SLC9B1: variants seen among roughly 807,000 people sequenced by gnomAD.
SLC9B1 encodes solute carrier family 9 member B1, also known as sodium/hydrogen exchanger 9B1.
In SLC9B1, 32 loss-of-function variants were observed where a neutral mutation model predicts 51.7. The observed-to-expected ratio is 0.62, with a 90% CI of 0.47 to 0.83. The LOEUF (loss-of-function observed/expected upper bound fraction) is 0.83. SLC9B1 is among the 40% of genes least tolerant of loss of function. The pLI is 0.00. For synonymous variants in SLC9B1, 145 were observed against 212.7 expected (o/e 0.68, Z 2.77); for missense variants, 406 against 613.2 (o/e 0.66, Z 3.57).
intron 2 of SLC9B1, 71 bp downstream of exon 2, chr4:102,991,572 T>G: frequency 1.9e-6 from 2 of 1,079,380 alleles, no homozygotes; most frequent in Non-Finnish European, 2.6e-6. Context: ...ATCTAATAAG[T>G]AAATTAGGAA....
At chr4:102,936,750 T>C (rs1162800922) in intron 6 of SLC9B1, among the ~76,000 whole-genome samples, 2 of 152,170 alleles carry the variant, frequency 1.3e-5, no homozygotes, top group African/African-American at 4.8e-5. Context: ...TCTGAGATTA[T>C]GTAAAGAGAC....
At chr4:102,958,925 G>GA (rs980919494) in intron 3 of SLC9B1, among the ~76,000 whole-genome samples, 87 of 134,874 alleles carry the variant, frequency 6.5e-4, no homozygotes, top group Middle Eastern at 3.7e-3. Context: ...TCCGTCTCAA[G>GA]AAAAAAAAAA....
chr4:102,994,247 C>T (rs1578407819), intron 1 of SLC9B1, among the ~76,000 whole-genome samples: 1 of 152,246 alleles, frequency 6.6e-6, no homozygotes, highest in East Asian at 1.9e-4. Context: ...TTTCTTCTGC[C>T]AGATATCCTA....
intron 3 of SLC9B1, among the ~76,000 whole-genome samples, chr4:102,959,255 CACAT>C (rs761708309): frequency 5.9e-5 from 9 of 151,912 alleles, no homozygotes; most frequent in African/African-American, 1.9e-4. Context: ...CACACACACA[CACAT>C]ACGCAAATGG....
intron 7 of SLC9B1, 58 bp from the exon 8 acceptor site, chr4:102,911,595 C>G: frequency 9.2e-7 from 1 of 1,092,606 alleles, no homozygotes; most frequent in Non-Finnish European, 1.3e-6. Context: ...ATACACTACA[C>G]ATCAGAAAAG....
chr4:102,956,294 A>G (rs1024974037), intron 3 of SLC9B1, among the ~76,000 whole-genome samples: 10 of 145,938 alleles, frequency 6.9e-5, no homozygotes, highest in African/African-American at 2.6e-4. Context: ...ACTATAATAA[A>G]TTAAAAACCT....
chr4:102,934,245 GT>G lies in SLC9B1; in HGVS notation c.654-1947del, dbSNP rs1292179448. On this transcript the variant is annotated intron_variant, in intron 6 of 11. Transcript: ENST00000296422. ...AGTAAACTTAAGAAAACAAGATACT[GT>G]TTTTGTAAGGGTAAAATAGTTAAAA... Among the ~76,000 whole-genome samples the G allele has an allele frequency of 2.0e-5, 3 of 152,170 alleles. No individual in the cohort carries two copies. In the East Asian group the frequency reaches 5.8e-4, roughly 29 times the overall value.
chr4:102,987,023 T>G (rs557184055), intron 3 of SLC9B1, among the ~76,000 whole-genome samples: 143 of 152,286 alleles, frequency 9.4e-4, no homozygotes, highest in African/African-American at 3.3e-3. Context: ...CGTTGTAAAT[T>G]TTAGTTGAAA....
intron 3 of SLC9B1, among the ~76,000 whole-genome samples, chr4:102,955,019 A>G (rs1737710360): frequency 6.6e-6 from 1 of 152,202 alleles, no homozygotes; most frequent in Admixed American, 6.5e-5. Context: ...AAAAAGTGTT[A>G]GGGTTTTGGG....
At chr4:102,905,309 C>T (rs1333308310) in intron 11 of SLC9B1, among the ~76,000 whole-genome samples, 2 of 151,998 alleles carry the variant, frequency 1.3e-5, no homozygotes, top group African/African-American at 4.8e-5. Context: ...CAACCTCCGC[C>T]TCCTGGGTTC....
At chr4:102,963,916 C>T (rs1738278298) in intron 3 of SLC9B1, among the ~76,000 whole-genome samples, 2 of 151,902 alleles carry the variant, frequency 1.3e-5, no homozygotes, top group Non-Finnish European at 2.9e-5. Context: ...GATGAGTAAA[C>T]CAAGCCAAAA....
chr4:102,925,978 A>G (rs1736147730), intron 7 of SLC9B1, among the ~76,000 whole-genome samples: 1 of 152,286 alleles, frequency 6.6e-6, no homozygotes, highest in Admixed American at 6.5e-5. Context: ...TTACATAAAC[A>G]GAACCAAAGA....
chr4:102,998,289 C>A (rs1237481683), intron 1 of SLC9B1, among the ~76,000 whole-genome samples: 6 of 152,046 alleles, frequency 3.9e-5, no homozygotes, highest in Non-Finnish European at 7.4e-5. Flanking sequence ...TTTTGTCTTG[C>A]TTATTGCACT....
intron 6 of SLC9B1, among the ~76,000 whole-genome samples, chr4:102,942,533 G>C (rs539395127): frequency 1.1e-3 from 161 of 152,198 alleles, no homozygotes; most frequent in African/African-American, 3.7e-3. Context: ...AAATACTTAA[G>C]CCAACTGATC....
chr4:102,901,546 C>T (rs762692476), intron 11 of SLC9B1, among the ~76,000 whole-genome samples: 4 of 152,132 alleles, frequency 2.6e-5, no homozygotes, highest in African/African-American at 2.4e-5. Context: ...AGCAGGCAAA[C>T]ATTTTTGGGC....
intron 3 of SLC9B1, among the ~76,000 whole-genome samples, chr4:102,966,148 G>T (rs187300190): frequency 0.011 from 1,694 of 152,302 alleles, 21 homozygotes; most frequent in African/African-American, 0.037. Flanking sequence ...GAGTCCCAGT[G>T]GTGGTCCACT....
At chr4:102,909,086 A>G (rs888994279) in intron 9 of SLC9B1, among the ~76,000 whole-genome samples, 4 of 152,202 alleles carry the variant, frequency 2.6e-5, no homozygotes, top group Non-Finnish European at 5.9e-5. Flanking sequence ...AAGGAATTAG[A>G]TATTTTTGTG....
At position 102,932,654 on chromosome 4, in the gene SLC9B1, C is replaced by G. The variant is rs139215718; in HGVS notation, c.654-355G>C. On this transcript the variant is annotated intron_variant, in intron 6 of 11. Coordinates refer to ENST00000296422, the MANE Select transcript of SLC9B1 (RefSeq NM_139173.4). ...AAGTATATCCCAGTAAGATAAGAGA[C>G]AGACAATTTAGGATTGAAAAAAGGA... Among the ~76,000 whole-genome samples, 114 of 152,232 alleles carry G rather than the reference C, an allele frequency of 7.5e-4. No homozygotes were observed. The East Asian group carries it at 0.013, about 17-fold the overall frequency.
At chr4:103,016,048 C>T (rs888740256) in intron 1 of SLC9B1, among the ~76,000 whole-genome samples, 41 of 142,308 alleles carry the variant, frequency 2.9e-4, no homozygotes, top group African/African-American at 9.7e-4. Context: ...GCAGGAGAAT[C>T]GCTTGAACCC....
Sources: gnomAD v4.1 joint callset for allele counts (sites outside exome capture counted in the v4.1 genomes callset) on GRCh38, gnomAD v4.1.1 for gene constraint, MANE v1.5 for transcripts, NCBI Gene and HGNC (gene_info 2026-07-23, HGNC 2026-07-21) for gene names.